MARCHF10: variants seen among roughly 807,000 people sequenced by gnomAD.
The protein encoded by MARCHF10 is membrane associated ring-CH-type finger 10.
A neutral mutation model predicts 76.2 loss-of-function variants in MARCHF10; 64 were observed. The observed-to-expected ratio is 0.84, with a 90% CI of 0.69 to 1.03. The LOEUF (loss-of-function observed/expected upper bound fraction) is 1.03. Among genes scored for constraint, MARCHF10 ranks in the 50% least tolerant of loss-of-function variants. MARCHF10 has a pLI of 0.00. For missense variants in MARCHF10, 875 were observed against 958.0 expected, an observed-to-expected ratio of 0.91 and a Z score of 1.14; for synonymous variants, 340 against 357.5, an observed-to-expected ratio of 0.95 and a Z score of 0.55.
intron 3 of MARCHF10, 43 bp downstream of exon 3, chr17:62,788,437 G>A: frequency 1.2e-6 from 2 of 1,610,982 alleles, no homozygotes; most frequent in Admixed American, 3.3e-5. Flanking sequence ...ACCACCAGCA[G>A]CAGCAGCAGC....
intron 3 of MARCHF10, among the ~76,000 whole-genome samples, chr17:62,773,216 C>A (rs1360547905): frequency 6.6e-6 from 1 of 152,134 alleles, no homozygotes. Flanking sequence ...CAATGGGAAA[C>A]CAAGAGGAGC....
chr17:62,709,983 T>C (rs2089827754), intron 9 of MARCHF10, among the ~76,000 whole-genome samples: 1 of 152,222 alleles, frequency 6.6e-6, no homozygotes. Context: ...AGAGTGTCCC[T>C]GGTCCCTCCT....
intron 5 of MARCHF10, among the ~76,000 whole-genome samples, chr17:62,741,405 C>G (rs1288811261): frequency 6.6e-6 from 1 of 152,162 alleles, no homozygotes; most frequent in Non-Finnish European, 1.5e-5. Context: ...AATTCCTTTC[C>G]AGAGAGTTTT....
intron 9 of MARCHF10, among the ~76,000 whole-genome samples, chr17:62,709,908 GT>G (rs1335343009): frequency 6.6e-6 from 1 of 152,180 alleles, no homozygotes; most frequent in Non-Finnish European, 1.5e-5. Flanking sequence ...TTACTGCTCG[GT>G]GGTCTAAGTG....
chr17:62,725,852 GT>G (rs2090732428), intron 6 of MARCHF10, among the ~76,000 whole-genome samples: 1 of 152,164 alleles, frequency 6.6e-6, no homozygotes, highest in Admixed American at 6.5e-5. Context: ...CCAAGACCCT[GT>G]TTCCTCATCT....
chr17:62,710,772 G>A (rs2089888799), intron 9 of MARCHF10, among the ~76,000 whole-genome samples: 1 of 151,892 alleles, frequency 6.6e-6, no homozygotes, highest in South Asian at 2.1e-4. Context: ...TGTTGGCCAG[G>A]TTGGCCTCAA....
At chr17:62,762,934 TGTG>T (rs2092245812) in intron 3 of MARCHF10, among the ~76,000 whole-genome samples, 1 of 152,206 alleles carries the variant, frequency 6.6e-6, no homozygotes, top group Non-Finnish European at 1.5e-5. Context: ...GGCACTAAAG[TGTG>T]GTACTTAAGG....
chr17:62,716,956 C>T (rs1221178171), intron 8 of MARCHF10, among the ~76,000 whole-genome samples: 1 of 152,178 alleles, frequency 6.6e-6, no homozygotes, highest in Non-Finnish European at 1.5e-5. Context: ...GGGGAAGGGA[C>T]CAGGCCCACA....
chr17:62,793,157 TCACCAC>T, intron 2 of MARCHF10, among the ~76,000 whole-genome samples: 1 of 58,714 alleles, frequency 1.7e-5, no homozygotes, highest in Admixed American at 1.7e-4. Flanking sequence ...ACCACCACCA[TCACCAC>T]CACCACCTCC....
chr17:62,725,113 G>A lies in MARCHF10; in HGVS notation c.1938-9C>T. On this transcript the variant is annotated splice_polypyrimidine_tract_variant and intron_variant, in intron 6 of 10. Transcript: ENST00000311269. Reference sequence around the variant, plus strand: ...AGTCCTCCTCCAGGAGACTAAATGTGAAAACAAGCCCTCGTGACCAGGAGG... The same window carrying A: ...AGTCCTCCTCCAGGAGACTAAATGTAAAAACAAGCCCTCGTGACCAGGAGG... 1 of 1,575,288 alleles carries A rather than the reference G, an allele frequency of 6.3e-7. No homozygotes were observed. The highest frequency in any genetic ancestry group is 8.6e-7 in the Non-Finnish European group (1 of 1,166,460).
intron 10 of MARCHF10, chr17:62,703,279 G>A (rs1007707518): frequency 6.6e-6 from 1 of 152,338 alleles, no homozygotes; most frequent in African/African-American, 2.4e-5. Flanking sequence ...TACCTCAACC[G>A]AGCTAGGGCA....
intron 4 of MARCHF10, among the ~76,000 whole-genome samples, chr17:62,751,109 G>A (rs546371158): frequency 6.6e-5 from 10 of 152,302 alleles, no homozygotes; most frequent in African/African-American, 2.2e-4. Flanking sequence ...GAGATGTCTC[G>A]TTGAAGCTGA....
At chr17:62,780,747 C>T (rs958552361) in intron 3 of MARCHF10, among the ~76,000 whole-genome samples, 1 of 152,164 alleles carries the variant, frequency 6.6e-6, no homozygotes, top group African/African-American at 2.4e-5. Context: ...GTCCTTGAGG[C>T]TTGTGCATTT....
intron 3 of MARCHF10, among the ~76,000 whole-genome samples, chr17:62,777,206 A>G (rs947894208): frequency 6.6e-6 from 1 of 152,184 alleles, no homozygotes; most frequent in African/African-American, 2.4e-5. Flanking sequence ...TCTTGCAATC[A>G]AGGTAAGAGG....
chr17:62,741,598 T>G (rs1041013940), intron 5 of MARCHF10, among the ~76,000 whole-genome samples: 1 of 152,204 alleles, frequency 6.6e-6, no homozygotes, highest in African/African-American at 2.4e-5. Context: ...TCATGTAGAT[T>G]TACATTTATT....
At chr17:62,792,134 C>A (rs1178026752) in intron 2 of MARCHF10, among the ~76,000 whole-genome samples, 2 of 151,952 alleles carry the variant, frequency 1.3e-5, no homozygotes, top group African/African-American at 4.8e-5. Flanking sequence ...ACCCCCCACC[C>A]CCCTAGTGCG....
intron 7 of MARCHF10, 60 bp downstream of exon 7, chr17:62,724,878 G>C: frequency 6.3e-7 from 1 of 1,584,618 alleles, no homozygotes; most frequent in Non-Finnish European, 8.6e-7. Flanking sequence ...GGCCCACACC[G>C]TGGTGCCTCA....
chr17:62,778,873 A>G (rs2092603253), intron 3 of MARCHF10, among the ~76,000 whole-genome samples: 1 of 152,084 alleles, frequency 6.6e-6, no homozygotes, highest in African/African-American at 2.4e-5. Context: ...GCTTGGGCAG[A>G]AATAAGAACT....
chr17:62,710,529 T>C (rs1017982056), intron 9 of MARCHF10, among the ~76,000 whole-genome samples: 1 of 148,458 alleles, frequency 6.7e-6, no homozygotes, highest in African/African-American at 2.5e-5. Flanking sequence ...AGGTTTCTTA[T>C]GACTAACAGT....
Sources: allele counts gnomAD v4.1 joint callset (sites outside exome capture counted in the v4.1 genomes callset), GRCh38; gene constraint gnomAD v4.1.1; transcripts MANE v1.5; gene names NCBI Gene and HGNC (gene_info 2026-07-23, HGNC 2026-07-21).